Variants in AUTS2 observed in about 807,000 individuals in gnomAD.
AUTS2 encodes autism susceptibility gene 2 protein.
A neutral mutation model predicts 112.4 loss-of-function variants in AUTS2; 17 were observed. That is an observed-to-expected ratio of 0.15 (90% CI 0.10 to 0.23). The LOEUF is 0.23. Ranked by LOEUF, AUTS2 falls within the 10% of genes least tolerant of loss-of-function variation. The pLI is 1.00. For synonymous variants in AUTS2, 751 were observed against 702.7 expected (o/e 1.07, Z -1.09); for missense variants, 1,510 against 1,701.6 (o/e 0.89, Z 1.98).
At chr7:70,477,258 G>A (rs1401543165) in intron 5 of AUTS2, among the ~76,000 whole-genome samples, 2 of 152,136 alleles carry the variant, frequency 1.3e-5, no homozygotes, top group African/African-American at 4.8e-5. Context: ...GATCAGTGAG[G>A]GGTAGTGGTG....
intron 2 of AUTS2, among the ~76,000 whole-genome samples, chr7:70,060,730 ACT>A (rs1445001487): frequency 6.6e-6 from 1 of 152,098 alleles, no homozygotes; most frequent in Non-Finnish European, 1.5e-5. Flanking sequence ...GGTGTCTTTG[ACT>A]CTATACTCTG....
chr7:70,398,998 T>G (rs992377105), intron 4 of AUTS2, among the ~76,000 whole-genome samples: 2 of 149,880 alleles, frequency 1.3e-5, no homozygotes, highest in Non-Finnish European at 3.0e-5. Context: ...TTTTTTTTTT[T>G]CTTTTTGAGA....
At chr7:69,935,300 G>A (rs1796368716) in intron 2 of AUTS2, among the ~76,000 whole-genome samples, 1 of 152,088 alleles carries the variant, frequency 6.6e-6, no homozygotes, top group African/African-American at 2.4e-5. Flanking sequence ...AGGTGAAAAA[G>A]GAGAAGTGGT....
At chr7:69,933,275 G>A (rs1230705031) in intron 2 of AUTS2, among the ~76,000 whole-genome samples, 1 of 152,068 alleles carries the variant, frequency 6.6e-6, no homozygotes, top group African/African-American at 2.4e-5. Flanking sequence ...AATTGTGTCT[G>A]CTTTAAAGGG....
chr7:69,993,236 C>T (rs1034750418), intron 2 of AUTS2, among the ~76,000 whole-genome samples: 13 of 152,166 alleles, frequency 8.5e-5, no homozygotes, highest in African/African-American at 2.2e-4. Flanking sequence ...CTTTACAGTC[C>T]TCCTTTGGTT....
At chr7:70,383,782 A>G (rs1270361892) in intron 4 of AUTS2, among the ~76,000 whole-genome samples, 2 of 152,214 alleles carry the variant, frequency 1.3e-5, no homozygotes, top group Non-Finnish European at 2.9e-5. Flanking sequence ...AATGAAACAG[A>G]CTGCAGCCTC....
intron 5 of AUTS2, among the ~76,000 whole-genome samples, chr7:70,655,173 G>A (rs1806705410): frequency 6.6e-6 from 1 of 152,224 alleles, no homozygotes; most frequent in African/African-American, 2.4e-5. Flanking sequence ...GGAAGCAGCG[G>A]CCCCTGCCCA....
chr7:69,662,433 G>C (rs758567037), intron 1 of AUTS2, among the ~76,000 whole-genome samples: 1 of 151,978 alleles, frequency 6.6e-6, no homozygotes, highest in Non-Finnish European at 1.5e-5. Flanking sequence ...AGGATGTTTA[G>C]CAGCATCCCT....
At chr7:69,879,574 C>G (rs937144489) in intron 1 of AUTS2, among the ~76,000 whole-genome samples, 2 of 152,136 alleles carry the variant, frequency 1.3e-5, no homozygotes, top group Middle Eastern at 3.2e-3. Flanking sequence ...GTGGACTGAG[C>G]ATTTCCTAGA....
intron 4 of AUTS2, among the ~76,000 whole-genome samples, chr7:70,400,974 G>A (rs750417110): frequency 3.9e-5 from 6 of 152,142 alleles, no homozygotes; most frequent in Non-Finnish European, 7.4e-5. Flanking sequence ...AGAGCCTGGA[G>A]GTTCAGAGAC....
At chr7:69,691,990 C>T (rs1797368897) in intron 1 of AUTS2, among the ~76,000 whole-genome samples, 1 of 152,140 alleles carries the variant, frequency 6.6e-6, no homozygotes. Context: ...CTCCTTAGCT[C>T]CCTGTTTTTG....
intron 2 of AUTS2, among the ~76,000 whole-genome samples, chr7:70,098,196 C>A (rs184753550): frequency 2.7e-4 from 41 of 152,262 alleles, no homozygotes; most frequent in Admixed American, 2.2e-3. Context: ...TCATTAGAAG[C>A]CCAGTGGTTT....
At chr7:70,090,042 A>T (rs978633432) in intron 2 of AUTS2, among the ~76,000 whole-genome samples, 3 of 149,276 alleles carry the variant, frequency 2.0e-5, no homozygotes, top group Non-Finnish European at 4.5e-5. Context: ...ATAAATAAAT[A>T]AATTTAAAAA....
At chr7:70,132,186 A>G (rs1806310192) in intron 3 of AUTS2, among the ~76,000 whole-genome samples, 1 of 151,478 alleles carries the variant, frequency 6.6e-6, no homozygotes. Flanking sequence ...AAAAAAAAAA[A>G]AAGAGTACAG....
chr7:70,638,045 GA>G (rs1805615285), intron 5 of AUTS2, among the ~76,000 whole-genome samples: 1 of 152,122 alleles, frequency 6.6e-6, no homozygotes, highest in Non-Finnish European at 1.5e-5. Flanking sequence ...TATAGAGTTG[GA>G]AATAAAGACA....
intron 2 of AUTS2, among the ~76,000 whole-genome samples, chr7:69,923,876 T>G (rs1413052791): frequency 6.6e-6 from 1 of 152,198 alleles, no homozygotes; most frequent in African/African-American, 2.4e-5. Context: ...ACATGGATGA[T>G]CATATTTTTA....
rs1023942296 is a variant in AUTS2 at position 69,960,228 on chromosome 7, A to C, written c.522+60730A>C. Among the ~76,000 whole-genome samples, 4 of 152,192 alleles carry C rather than the reference A, an allele frequency of 2.6e-5. No individual in the cohort carries two copies. The East Asian group carries it at 5.8e-4, about 22-fold the overall frequency. On this transcript the variant is annotated intron_variant, in intron 2 of 18. Coordinates refer to ENST00000342771, the MANE Select transcript of AUTS2 (RefSeq NM_015570.4). Reference sequence around the variant, plus strand: ...AAAAGTATATACAGCTATAATTACTAATTGCTGCGCTCTAAGTAGAGACAG... The same window carrying C: ...AAAAGTATATACAGCTATAATTACTCATTGCTGCGCTCTAAGTAGAGACAG...
At chr7:70,044,931 TG>T (rs1801433064) in intron 2 of AUTS2, among the ~76,000 whole-genome samples, 1 of 129,474 alleles carries the variant, frequency 7.7e-6, no homozygotes, top group Non-Finnish European at 1.6e-5. Flanking sequence ...ACCCATAGCA[TG>T]TTTTTTTTTT....
chr7:69,941,207 A>G (rs1016832327), intron 2 of AUTS2, among the ~76,000 whole-genome samples: 1 of 152,188 alleles, frequency 6.6e-6, no homozygotes, highest in Non-Finnish European at 1.5e-5. Flanking sequence ...AGCTACCAAC[A>G]CTGAGTTTCT....
Sources: gnomAD v4.1 joint callset for allele counts (sites outside exome capture counted in the v4.1 genomes callset) on GRCh38, gnomAD v4.1.1 for gene constraint, MANE v1.5 for transcripts, NCBI Gene and HGNC (gene_info 2026-07-23, HGNC 2026-07-21) for gene names.